CBLB: variants seen among roughly 807,000 people sequenced by gnomAD.
CBLB encodes Cbl proto-oncogene B, also known as E3 ubiquitin-protein ligase CBL-B.
Under a neutral mutation model 104.9 loss-of-function variants are expected in CBLB, and 31 were observed. The observed-to-expected ratio is 0.30, with a 90% confidence interval of 0.22 to 0.40. The LOEUF (loss-of-function observed/expected upper bound fraction) is 0.40, where lower values mean the gene tolerates loss of function less well. Among genes scored for constraint, CBLB ranks in the 10% least tolerant of loss-of-function variants. The pLI is 1.00. For missense variants in CBLB, 1,062 were observed against 1,214.6 expected, an observed-to-expected ratio of 0.87 and a Z score of 1.87; for synonymous variants, 440 against 422.6, an observed-to-expected ratio of 1.04 and a Z score of -0.51.
At chr3:105,847,392 CCACACA>C (rs112192218) in intron 3 of CBLB, among the ~76,000 whole-genome samples, 319 of 143,534 alleles carry the variant, frequency 2.2e-3, no homozygotes, top group Middle Eastern at 3.6e-3. Context: ...TAACCCTCCA[CCACACA>C]CACACACACA....
At chr3:105,829,402 T>A (rs958021741) in intron 3 of CBLB, among the ~76,000 whole-genome samples, 2 of 152,108 alleles carry the variant, frequency 1.3e-5, no homozygotes, top group Non-Finnish European at 2.9e-5. Flanking sequence ...CTCATGCCTG[T>A]GATCTTGACG....
At chr3:105,678,373 T>C (rs983697687) in intron 17 of CBLB, 58 bp downstream of exon 17, 17 of 1,507,436 alleles carry the variant, frequency 1.1e-5, no homozygotes, top group African/African-American at 2.7e-5. Flanking sequence ...TTTGATAGTA[T>C]GGTTTTGGAA....
intron 3 of CBLB, among the ~76,000 whole-genome samples, chr3:105,785,476 T>C (rs1267914683): frequency 1.3e-5 from 2 of 152,178 alleles, no homozygotes; most frequent in East Asian, 3.8e-4. Flanking sequence ...CAAAGGAAAT[T>C]AATGCTATAT....
chr3:105,749,625 C>T (rs1036140482), intron 5 of CBLB: 1 of 162,786 alleles, frequency 6.1e-6, no homozygotes, highest in African/African-American at 2.4e-5. Context: ...TACTCACTTC[C>T]TAGAATGAGC....
intron 9 of CBLB, among the ~76,000 whole-genome samples, chr3:105,725,635 T>C (rs891356999): frequency 6.6e-5 from 10 of 152,126 alleles, no homozygotes; most frequent in African/African-American, 2.4e-4. Context: ...TCTTTATTAC[T>C]CCCAACGTGA....
intron 3 of CBLB, among the ~76,000 whole-genome samples, chr3:105,812,367 T>C (rs1057255585): frequency 3.9e-5 from 6 of 152,312 alleles, no homozygotes; most frequent in African/African-American, 1.4e-4. Context: ...CCCACTGATC[T>C]GTAAACTCAG....
At chr3:105,714,749 C>A (rs762872894) in intron 10 of CBLB, among the ~76,000 whole-genome samples, 1 of 152,158 alleles carries the variant, frequency 6.6e-6, no homozygotes, top group South Asian at 2.1e-4. Flanking sequence ...GGTTTGGGGA[C>A]CCCTGCTATA....
intron 4 of CBLB, among the ~76,000 whole-genome samples, chr3:105,768,573 T>C (rs999534743): frequency 6.6e-6 from 1 of 152,178 alleles, no homozygotes; most frequent in Non-Finnish European, 1.5e-5. Flanking sequence ...ATATTGAAAA[T>C]GAGGCTAGCA....
intron 2 of CBLB, among the ~76,000 whole-genome samples, chr3:105,862,649 AAGCAC>A (rs2092182286): frequency 6.6e-6 from 1 of 152,220 alleles, no homozygotes; most frequent in East Asian, 1.9e-4. Context: ...TATTCTATCA[AAGCAC>A]AGCCCTGAAG....
chr3:105,709,011 C>A (rs1372632351), intron 10 of CBLB, among the ~76,000 whole-genome samples: 1 of 151,852 alleles, frequency 6.6e-6, no homozygotes, highest in Non-Finnish European at 1.5e-5. Flanking sequence ...AATGCCCACC[C>A]TTGTTATTTC....
At chr3:105,792,373 T>C (rs1391031484) in intron 3 of CBLB, among the ~76,000 whole-genome samples, 1 of 152,168 alleles carries the variant, frequency 6.6e-6, no homozygotes, top group Non-Finnish European at 1.5e-5. Context: ...CTAACGTCAC[T>C]ACTGGACTGG....
At chr3:105,727,470 G>A (rs2073811370) in intron 9 of CBLB, among the ~76,000 whole-genome samples, 1 of 152,040 alleles carries the variant, frequency 6.6e-6, no homozygotes, top group Non-Finnish European at 1.5e-5. Flanking sequence ...TGGATAAACT[G>A]TAAAAATTTT....
At chr3:105,837,915 A>G (rs578017385) in intron 3 of CBLB, among the ~76,000 whole-genome samples, 30 of 152,232 alleles carry the variant, frequency 2.0e-4, no homozygotes, top group Admixed American at 1.5e-3. Context: ...TCCAGGCCCC[A>G]GCAGCTCGTA....
chr3:105,740,003 T>C (rs1321791445), intron 7 of CBLB, among the ~76,000 whole-genome samples: 1 of 152,140 alleles, frequency 6.6e-6, no homozygotes, highest in Non-Finnish European at 1.5e-5. Context: ...CTTGGGAGGC[T>C]GAGGCAGGGG....
chr3:105,776,072 TTAAG>T (rs58532131), intron 4 of CBLB, among the ~76,000 whole-genome samples: 1,936 of 152,280 alleles, frequency 0.013, 45 homozygotes, highest in African/African-American at 0.043. Flanking sequence ...ATTTTGTATA[TTAAG>T]TACATATTAA....
chr3:105,841,295 C>CAAA (rs370002853), intron 3 of CBLB, among the ~76,000 whole-genome samples: 1 of 124,018 alleles, frequency 8.1e-6, no homozygotes, highest in Non-Finnish European at 1.6e-5. Context: ...GACTTCATTT[C>CAAA]AAAAAAAAAA....
At chr3:105,867,701 G>T in intron 1 of CBLB, 110 bp from the exon 2 acceptor site, 1 of 890,158 alleles carries the variant, frequency 1.1e-6, no homozygotes, top group Non-Finnish European at 1.8e-6. Context: ...ATCGATTAGA[G>T]CAAAACCAAA....
rs569759611 is a variant in CBLB at position 105,827,838 on chromosome 3, G to A, written c.419+25576C>T. ...AATCCAGTGGTTGCTCTGAAAACAA[G>A]ATATAGTTAATAATGTTTTATTTCA... On this transcript the variant is annotated intron_variant, in intron 3 of 18. Coordinates refer to ENST00000394030, the MANE Select transcript of CBLB (RefSeq NM_170662.5). Among the ~76,000 whole-genome samples the A allele has an allele frequency of 3.3e-5, 5 of 152,196 alleles. No individual in the cohort carries two copies. The South Asian group carries it at 8.3e-4, about 25-fold the overall frequency.
rs140279209 is a variant in CBLB at position 105,807,530 on chromosome 3, A to G, written c.420-30988T>C. Among the ~76,000 whole-genome samples, 20 of 152,318 alleles carry G rather than the reference A, an allele frequency of 1.3e-4. 2 individuals carry two copies. The East Asian group carries it at 3.9e-3, about 29-fold the overall frequency. ...AGTCTTATTTGTGAAGTAAAATCCT[A>G]TGTTCAGAGAAACACATATAATTTA... On this transcript the variant is annotated intron_variant, in intron 3 of 18. Transcript: ENST00000394030.
Sources: gnomAD v4.1 joint callset for allele counts (sites outside exome capture counted in the v4.1 genomes callset) on GRCh38, gnomAD v4.1.1 for gene constraint, MANE v1.5 for transcripts, NCBI Gene and HGNC (gene_info 2026-07-23, HGNC 2026-07-21) for gene names.